Variants in CTNNA2 observed in about 807,000 individuals in gnomAD.
The protein encoded by CTNNA2 is catenin alpha 2.
Under a neutral mutation model 101.0 loss-of-function variants are expected in CTNNA2, and 42 were observed. The observed-to-expected ratio is 0.42, with a 90% CI of 0.32 to 0.54. The LOEUF (loss-of-function observed/expected upper bound fraction) is 0.54. Ranked by LOEUF, CTNNA2 falls within the 20% of genes least tolerant of loss-of-function variation. The pLI is 0.14. For missense variants in CTNNA2, 871 were observed against 1,223.1 expected (o/e 0.71, Z 4.29); for synonymous variants, 450 against 456.4 (o/e 0.99, Z 0.18).
At chr2:79,305,831 G>T (rs1676227605) in intron 2 of CTNNA2, among the ~76,000 whole-genome samples, 1 of 152,022 alleles carries the variant, frequency 6.6e-6, no homozygotes. Context: ...GGATCACGAG[G>T]TCAGAAGATC....
intron 3 of CTNNA2, among the ~76,000 whole-genome samples, chr2:79,853,570 G>T (rs2103921531): frequency 6.6e-6 from 1 of 152,106 alleles, no homozygotes; most frequent in South Asian, 2.1e-4. Flanking sequence ...CAGGATATTT[G>T]TGCCATTTTG....
intron 3 of CTNNA2, among the ~76,000 whole-genome samples, chr2:79,846,286 G>A (rs893548992): frequency 6.6e-6 from 1 of 152,122 alleles, no homozygotes; most frequent in African/African-American, 2.4e-5. Flanking sequence ...TTTAGAAAAA[G>A]CTAGATTGAC....
chr2:80,085,398 G>A lies in CTNNA2; in HGVS notation c.1056+175601G>A, dbSNP rs1235411177. On this transcript the variant is annotated intron_variant, in intron 7 of 18. Coordinates refer to ENST00000402739, the MANE Select transcript of CTNNA2 (RefSeq NM_001282597.3). ...ACATTGCCATGCCGAAGTTAAAAGG[G>A]CACAAGGACATCAAATCTTAACCAT... 3.3e-5 allele frequency among the ~76,000 whole-genome samples: 5 copies of A among 152,000 alleles called. No homozygotes were observed. In the East Asian group the frequency reaches 9.7e-4, roughly 29 times the overall value.
intron 2 of CTNNA2, among the ~76,000 whole-genome samples, chr2:79,249,137 G>A (rs2104268819): frequency 6.6e-6 from 1 of 152,170 alleles, no homozygotes; most frequent in Non-Finnish European, 1.5e-5. Context: ...TCTGTAAAAT[G>A]GCAATAATAA....
Position 79,778,275 on chromosome 2 carries a change from G to A in CTNNA2, c.298+33693G>A, listed in dbSNP as rs568106066. On this transcript the variant is annotated intron_variant, in intron 3 of 18. Coordinates refer to ENST00000402739, the MANE Select transcript of CTNNA2 (RefSeq NM_001282597.3). ...GCAGGAGAATGGCTTGAGACGCCAG[G>A]TGAAGTTTTCGGTGAGCCGAGATCG... 2.0e-5 allele frequency among the ~76,000 whole-genome samples: 3 copies of A among 152,064 alleles called. No individual in the cohort carries two copies. In the South Asian group the frequency reaches 6.2e-4, roughly 32 times the overall value.
At chr2:80,391,682 G>A (rs190845797) in intron 7 of CTNNA2, among the ~76,000 whole-genome samples, 19 of 152,224 alleles carry the variant, frequency 1.2e-4, no homozygotes, top group Admixed American at 8.5e-4. Flanking sequence ...TGGAGAGGCA[G>A]AGCATTGAAG....
chr2:79,452,160 C>G (rs146072943), intron 4 of CTNNA2, among the ~76,000 whole-genome samples: 1 of 152,056 alleles, frequency 6.6e-6, no homozygotes. Flanking sequence ...AATAATATGT[C>G]CCTTTATCAC....
intron 5 of CTNNA2, among the ~76,000 whole-genome samples, chr2:79,871,086 C>T (rs910063154): frequency 1.3e-5 from 2 of 152,174 alleles, no homozygotes; most frequent in African/African-American, 4.8e-5. Flanking sequence ...GAAGGATCTC[C>T]TAAAATCCTT....
intron 3 of CTNNA2, among the ~76,000 whole-genome samples, chr2:79,811,349 T>C (rs1249173112): frequency 6.6e-6 from 1 of 152,212 alleles, no homozygotes; most frequent in Non-Finnish European, 1.5e-5. Context: ...TCTGTTGATA[T>C]GCTTCACCCA....
chr2:79,502,680 T>C (rs1671332986), intron 4 of CTNNA2, among the ~76,000 whole-genome samples: 2 of 152,120 alleles, frequency 1.3e-5, no homozygotes, highest in Admixed American at 6.6e-5. Context: ...CATAGGAAAA[T>C]TAAAGGAGAT....
chr2:79,388,254 A>G (rs576899825), intron 4 of CTNNA2, among the ~76,000 whole-genome samples: 2 of 152,304 alleles, frequency 1.3e-5, no homozygotes, highest in Admixed American at 6.5e-5. Flanking sequence ...ACTCTCAAGA[A>G]CCGAGGCTGA....
chr2:80,050,685 A>G (rs1696818914), intron 7 of CTNNA2, among the ~76,000 whole-genome samples: 1 of 152,108 alleles, frequency 6.6e-6, no homozygotes, highest in Non-Finnish European at 1.5e-5. Context: ...ACTGAAGAGA[A>G]CATTGTTATT....
At chr2:79,977,547 T>C (rs933996594) in intron 7 of CTNNA2, among the ~76,000 whole-genome samples, 1 of 152,140 alleles carries the variant, frequency 6.6e-6, no homozygotes, top group Non-Finnish European at 1.5e-5. Context: ...TTTGGAATCA[T>C]GCTATCCTAG....
intron 7 of CTNNA2, among the ~76,000 whole-genome samples, chr2:80,006,079 A>G (rs1228951727): frequency 2.0e-5 from 3 of 152,128 alleles, no homozygotes; most frequent in Non-Finnish European, 4.4e-5. Flanking sequence ...TATTTTGTGA[A>G]TAAAGTAGGT....
intron 2 of CTNNA2, among the ~76,000 whole-genome samples, chr2:79,301,701 C>T: frequency 6.6e-6 from 1 of 152,082 alleles, no homozygotes; most frequent in Non-Finnish European, 1.5e-5. Context: ...AGAATATAAT[C>T]CCTGTGAAGC....
chr2:79,364,483 G>A (rs1677700989), intron 3 of CTNNA2, among the ~76,000 whole-genome samples: 1 of 152,166 alleles, frequency 6.6e-6, no homozygotes, highest in Admixed American at 6.5e-5. Context: ...TTGCTAACTA[G>A]CATGTTGTTG....
chr2:80,361,391 T>C (rs935400520), intron 7 of CTNNA2, among the ~76,000 whole-genome samples: 2 of 152,140 alleles, frequency 1.3e-5, no homozygotes, highest in African/African-American at 4.8e-5. Flanking sequence ...AAATGGATTG[T>C]AGCTCACTGG....
chr2:79,282,856 T>C lies in CTNNA2; in HGVS notation c.-405-29853T>C, dbSNP rs1486659908. 3.0e-5 allele frequency among the ~76,000 whole-genome samples: 3 copies of C among 100,916 alleles called. 1 individual carries two copies. The highest frequency in any genetic ancestry group is 7.0e-5 in the Non-Finnish European group (3 of 43,048). 66.2% of individuals were successfully genotyped at this position (100,916 alleles called of 152,430 possible). On this transcript the variant is annotated intron_variant, in intron 2 of 21. Coordinates refer to the CTNNA2 transcript ENST00000466387. ...ACACTGACTTCCACAATGGTTGAAC[T>C]AGTTTACAGGCCCACCAACAGTGTA... is the stretch of plus-strand genomic sequence containing the variant.
intron 7 of CTNNA2, among the ~76,000 whole-genome samples, chr2:80,244,288 A>G (rs893124019): frequency 2.6e-5 from 4 of 152,246 alleles, no homozygotes; most frequent in Admixed American, 2.6e-4. Flanking sequence ...ATTGACTAAC[A>G]TGTGATGTTC....
Sources: gnomAD v4.1 joint callset for allele counts (sites outside exome capture counted in the v4.1 genomes callset) on GRCh38, gnomAD v4.1.1 for gene constraint, MANE v1.5 for transcripts, NCBI Gene and HGNC (gene_info 2026-07-23, HGNC 2026-07-21) for gene names.